Variants in HS6ST3 observed in about 807,000 individuals in gnomAD.
The protein encoded by HS6ST3 is heparan-sulfate 6-O-sulfotransferase 3.
A neutral mutation model predicts 36.7 loss-of-function variants in HS6ST3; 12 were observed. The ratio of observed to expected loss-of-function variants is 0.33; its 90% CI spans 0.21 to 0.53. The LOEUF (loss-of-function observed/expected upper bound fraction) is 0.53, where lower values mean the gene tolerates loss of function less well. Ranked by LOEUF, HS6ST3 falls within the 20% of genes least tolerant of loss-of-function variation. The probability of loss-of-function intolerance (pLI) is 0.95; values close to 1 mark genes in which losing one functional copy is unlikely to be tolerated. For synonymous variants in HS6ST3, 240 were observed against 257.5 expected (o/e 0.93, Z 0.65); for missense variants, 584 against 640.9 (o/e 0.91, Z 0.96).
At chr13:96,378,957 G>C (rs2055327520) in intron 1 of HS6ST3, among the ~76,000 whole-genome samples, 1 of 152,076 alleles carries the variant, frequency 6.6e-6, no homozygotes, top group Non-Finnish European at 1.5e-5. Context: ...TCCTACTCCT[G>C]GTCTCTCCCC....
chr13:96,644,881 A>G (rs996636587), intron 1 of HS6ST3, among the ~76,000 whole-genome samples: 7 of 152,014 alleles, frequency 4.6e-5, no homozygotes, highest in East Asian at 1.9e-4. Flanking sequence ...CAGGAATAGC[A>G]TGCTTCCATA....
At chr13:96,712,638 G>A (rs963573875) in intron 1 of HS6ST3, among the ~76,000 whole-genome samples, 5 of 152,132 alleles carry the variant, frequency 3.3e-5, no homozygotes, top group African/African-American at 1.2e-4. Flanking sequence ...CATCCAAATC[G>A]ATCAAGGTGA....
At chr13:96,278,849 G>A (rs2054761015) in intron 1 of HS6ST3, among the ~76,000 whole-genome samples, 1 of 152,068 alleles carries the variant, frequency 6.6e-6, no homozygotes, top group South Asian at 2.1e-4. Context: ...CATGAGTTTT[G>A]GCAATCACAT....
At chr13:96,824,729 T>G (rs894132673) in intron 1 of HS6ST3, among the ~76,000 whole-genome samples, 5 of 152,202 alleles carry the variant, frequency 3.3e-5, no homozygotes, top group African/African-American at 1.2e-4. Context: ...AATGCACACA[T>G]CAGCTTATGT....
chr13:96,543,420 G>A (rs989486976), intron 1 of HS6ST3, among the ~76,000 whole-genome samples: 20 of 152,172 alleles, frequency 1.3e-4, no homozygotes, highest in African/African-American at 4.1e-4. Context: ...AAGAAGCGCA[G>A]TCTTCACAGA....
intron 1 of HS6ST3, among the ~76,000 whole-genome samples, chr13:96,232,262 T>TG (rs2054512433): frequency 6.6e-6 from 1 of 152,074 alleles, no homozygotes; most frequent in Admixed American, 6.6e-5. Flanking sequence ...AAGTAGGTGT[T>TG]GGGATGGATG....
intron 1 of HS6ST3, among the ~76,000 whole-genome samples, chr13:96,513,867 G>A (rs990052328): frequency 6.6e-6 from 1 of 151,936 alleles, no homozygotes; most frequent in African/African-American, 2.4e-5. Context: ...GCAATGAGAA[G>A]GAGACCTGTG....
At chr13:96,658,683 TTTTA>T (rs891069480) in intron 1 of HS6ST3, among the ~76,000 whole-genome samples, 4 of 151,568 alleles carry the variant, frequency 2.6e-5, no homozygotes, top group African/African-American at 4.8e-5. Context: ...ATATGAACTC[TTTTA>T]TTTATTTATT....
intron 1 of HS6ST3, among the ~76,000 whole-genome samples, chr13:96,654,768 A>G (rs2056619041): frequency 6.6e-6 from 1 of 152,148 alleles, no homozygotes; most frequent in Non-Finnish European, 1.5e-5. Context: ...TGTAAAAACT[A>G]AATATCCTGA....
intron 1 of HS6ST3, among the ~76,000 whole-genome samples, chr13:96,187,136 T>C (rs2054268574): frequency 6.6e-6 from 1 of 152,216 alleles, no homozygotes; most frequent in South Asian, 2.1e-4. Flanking sequence ...TTCTCAGCAT[T>C]TTGCAGGTAA....
At chr13:96,579,297 T>C (rs948186443) in intron 1 of HS6ST3, among the ~76,000 whole-genome samples, 2 of 152,132 alleles carry the variant, frequency 1.3e-5, no homozygotes, top group African/African-American at 4.8e-5. Flanking sequence ...ATGTGGTTTT[T>C]TCATTTTCAC....
chr13:96,579,803 A>G (rs1013800972), intron 1 of HS6ST3, among the ~76,000 whole-genome samples: 1 of 152,076 alleles, frequency 6.6e-6, no homozygotes, highest in Admixed American at 6.5e-5. Flanking sequence ...CCCTGATGGC[A>G]TTTCTAGAGT....
At chr13:96,112,578 A>AATATACATACATATATATATAT in intron 1 of HS6ST3, among the ~76,000 whole-genome samples, 1 of 81,248 alleles carries the variant, frequency 1.2e-5, no homozygotes, top group East Asian at 4.1e-4. Context: ...AAAATAAATA[A>AATATACATACATATATATATAT]ATATATATAT....
Position 96,254,486 on chromosome 13 carries a change from T to A in HS6ST3, c.707+162917T>A, listed in dbSNP as rs1429242036. On this transcript the variant is annotated intron_variant, in intron 1 of 1. Transcript: ENST00000376705. ...ATATATATATATATATATATATATATATATATATATATACACATACATACA... is the reference window on the plus strand; with the variant it reads ...ATATATATATATATATATATATATAAATATATATATATACACATACATACA... 3.8e-4 allele frequency among the ~76,000 whole-genome samples: 5 copies of A among 13,308 alleles called. 2 individuals are homozygous for A. Among genetic ancestry groups the A allele is most frequent in the African/African-American group, 5.9e-4 (2 of 3,380 alleles). The allele number at this position is 13,308 out of a possible 152,430, so 8.7% of individuals were successfully genotyped here. A position where few individuals can be genotyped will look rare whatever the true frequency, so the allele number is the denominator to read the frequency against.
chr13:96,430,621 T>C (rs886075409), intron 1 of HS6ST3, among the ~76,000 whole-genome samples: 1 of 152,168 alleles, frequency 6.6e-6, no homozygotes, highest in African/African-American at 2.4e-5. Flanking sequence ...CCTGCTCTTC[T>C]CTTTACCACC....
chr13:96,167,808 C>T (rs2054168484), intron 1 of HS6ST3, among the ~76,000 whole-genome samples: 1 of 152,072 alleles, frequency 6.6e-6, no homozygotes, highest in South Asian at 2.1e-4. Context: ...ATGAAAATTT[C>T]TCCTTGAGCC....
rs1368440010 is a variant in HS6ST3 at position 96,090,452 on chromosome 13, C to T, written c.-411C>T. On this transcript the variant is annotated 5_prime_UTR_variant, in exon 1 of 2. Transcript: ENST00000376705. ...GCAGCCCCGGCGCTCGCGGCCGCAG[C>T]TACCCGGCTGCCCGGCTGCGCGCGG... Among the ~76,000 whole-genome samples, 1 of 146,482 alleles carries T rather than the reference C, an allele frequency of 6.8e-6. No homozygotes were observed. Among genetic ancestry groups the T allele is most frequent in the Non-Finnish European group, 1.5e-5 (1 of 65,846 alleles).
intron 1 of HS6ST3, among the ~76,000 whole-genome samples, chr13:96,621,809 T>A (rs1473413992): frequency 6.6e-6 from 1 of 152,184 alleles, no homozygotes; most frequent in African/African-American, 2.4e-5. Flanking sequence ...CAGAAATGAA[T>A]TTTTACTCAG....
At chr13:96,718,028 C>T (rs1430811729) in intron 1 of HS6ST3, among the ~76,000 whole-genome samples, 1 of 152,182 alleles carries the variant, frequency 6.6e-6, no homozygotes, top group African/African-American at 2.4e-5. Context: ...TCTTAGACTT[C>T]ACTCCATAAT....
Sources: allele counts gnomAD v4.1 joint callset (sites outside exome capture counted in the v4.1 genomes callset), GRCh38; gene constraint gnomAD v4.1.1; transcripts MANE v1.5; gene names NCBI Gene and HGNC (gene_info 2026-07-23, HGNC 2026-07-21).